The following TNS1 variants were observed in gnomAD, a reference collection of about 807,000 sequenced individuals.
The protein encoded by TNS1 is tensin-1.
Under a neutral mutation model 168.6 loss-of-function variants are expected in TNS1, and 62 were observed. The observed-to-expected ratio is 0.37, with a 90% CI of 0.30 to 0.45. TNS1 has a LOEUF of 0.45. TNS1 is among the 20% of genes least tolerant of loss of function. The probability of loss-of-function intolerance (pLI) is 1.00; values close to 1 mark genes in which losing one functional copy is unlikely to be tolerated. For synonymous variants in TNS1, 934 were observed against 933.2 expected, an observed-to-expected ratio of 1.00 and a Z score of -0.02; for missense variants, 2,240 against 2,339.4, an observed-to-expected ratio of 0.96 and a Z score of 0.88.
chr2:217,864,795 C>A (rs1274878595), intron 18 of TNS1, among the ~76,000 whole-genome samples: 1 of 152,244 alleles, frequency 6.6e-6, no homozygotes, highest in Non-Finnish European at 1.5e-5. Flanking sequence ...AGGTCAATCA[C>A]TATTCCTGAT....
rs923495048 is a variant in TNS1 at position 217,995,661 on chromosome 2, AC to A, written c.34-4606del. Among the ~76,000 whole-genome samples the A allele has an allele frequency of 3.0e-4, 45 of 151,942 alleles. No individual in the cohort carries two copies. Among genetic ancestry groups the A allele is most frequent in the African/African-American group, 1.0e-3 (42 of 41,366 alleles). On this transcript the variant is annotated intron_variant, in intron 1 of 32. Transcript: ENST00000682258. This position sits in a 1 kb window ranked among gnomAD's most constrained non-coding sequence, Gnocchi z 4.1. ...AGTGGCAGACGGCCTCACGGAGCAC[AC>A]CCCGGGGCCCTTCCTTTGCTGGCTG...
Position 217,849,098 on chromosome 2 carries a change from C to T in TNS1, c.1430-11G>A. 6.2e-7 allele frequency: 1 copy of T among 1,604,076 alleles called. No homozygotes were observed. Among genetic ancestry groups the T allele is most frequent in the South Asian group, 1.1e-5 (1 of 90,426 alleles). The stretch of plus-strand genomic sequence containing the variant: ...TGTGTCCCACCACCTCTGCAAGGGA[C>T]AGAGCCGGAGGGGAGACAACAGACA... On this transcript the variant is annotated splice_polypyrimidine_tract_variant and intron_variant, in intron 18 of 32. Coordinates refer to ENST00000682258, the MANE Select transcript of TNS1 (RefSeq NM_001387777.1).
At chr2:217,832,515 C>T (rs1302305808) in intron 21 of TNS1, among the ~76,000 whole-genome samples, 1 of 152,184 alleles carries the variant, frequency 6.6e-6, no homozygotes, top group Non-Finnish European at 1.5e-5. Context: ...GAGACCACAG[C>T]CCCAAGGATA....
intron 22 of TNS1, chr2:217,829,812 G>C: frequency 6.2e-7 from 1 of 1,613,554 alleles, no homozygotes; most frequent in Non-Finnish European, 8.5e-7. Context: ...TCCAGACCCA[G>C]AGAGCAGGAA....
intron 23 of TNS1, 71 bp downstream of exon 23, chr2:217,821,669 G>C: frequency 7.4e-7 from 1 of 1,359,808 alleles, no homozygotes; most frequent in Non-Finnish European, 9.6e-7. Context: ...AGATCCAGGA[G>C]GCCTCACCCA....
chr2:217,879,620 G>A (rs935835974), intron 18 of TNS1: 1 of 278,240 alleles, frequency 3.6e-6, no homozygotes, highest in African/African-American at 2.3e-5. Context: ...CCAAATTCTA[G>A]TCCAACCACC....
intron 3 of TNS1, among the ~76,000 whole-genome samples, chr2:217,968,781 G>A (rs910435941): frequency 1.7e-4 from 26 of 151,910 alleles, no homozygotes; most frequent in Admixed American, 1.4e-3. Flanking sequence ...TACAACCTCC[G>A]CCTCCCGGGT....
chr2:217,891,504 C>A (rs1951743622), intron 11 of TNS1, among the ~76,000 whole-genome samples: 1 of 152,200 alleles, frequency 6.6e-6, no homozygotes, highest in South Asian at 2.1e-4. Flanking sequence ...GCAGCCTCAT[C>A]TTTGCTTATC....
chr2:217,916,714 G>C (rs190948903), intron 4 of TNS1, among the ~76,000 whole-genome samples: 4 of 152,180 alleles, frequency 2.6e-5, no homozygotes, highest in Non-Finnish European at 5.9e-5. Context: ...TGGCTGGCCC[G>C]GGCACAGGTT....
chr2:217,805,656 AAC>A (rs1364236550), intron 32 of TNS1, among the ~76,000 whole-genome samples: 1 of 74,876 alleles, frequency 1.3e-5, no homozygotes, highest in Non-Finnish European at 2.7e-5. Flanking sequence ...ACACACACAC[AAC>A]ACACATATCA....
rs975239010 is a variant in TNS1, at chr2:217,891,010, C to T, written c.818G>A (p.Arg273Gln). 5 of 1,614,076 alleles carry T rather than the reference C, an allele frequency of 3.1e-6. No individual in the cohort carries two copies. The highest frequency in any genetic ancestry group is 2.2e-5 in the East Asian group (1 of 44,886). ...GGGCACAATCTTATCCTCATAGAAC[C>T]GCTTCATTGCAAACCGGTCCAGAGC... ...DQALDRFAMK[R>Q]FYEDKIVPIG... is the part of the protein sequence containing the mutation. The change falls in exon 12 of 33, where the codon CGG (arginine) becomes CAG (glutamine). Residue 273 changes from arginine to glutamine, a missense_variant. Around this residue, in one of 2 missense-constraint regions of TNS1, gnomAD observed 2,131 missense variants for 2,171.2 expected, o/e 0.98. Transcript: ENST00000682258.
chr2:217,899,738 G>A (rs111905134), intron 7 of TNS1, among the ~76,000 whole-genome samples: 1 of 152,216 alleles, frequency 6.6e-6, no homozygotes, highest in Non-Finnish European at 1.5e-5. Flanking sequence ...CAGCCGGACA[G>A]CCTCAGCATC....
Position 217,880,734 on chromosome 2 carries a change from C to T in TNS1, c.1429+164G>A, listed in dbSNP as rs1950598967. Among the ~76,000 whole-genome samples, 1 of 152,044 alleles carries T rather than the reference C, an allele frequency of 6.6e-6. No homozygotes were observed. Among genetic ancestry groups the T allele is most frequent in the Admixed American group, 6.5e-5 (1 of 15,280 alleles). ...TTATTTAATACATTCATATATGTGC[C>T]TTATCTTCCCCCAGTTAACGGTGAG... is the stretch of plus-strand genomic sequence containing the variant. On this transcript the variant is annotated intron_variant, in intron 18 of 32. Coordinates refer to ENST00000682258, the MANE Select transcript of TNS1 (RefSeq NM_001387777.1). The surrounding 1 kb of genome is among the most constrained non-coding windows in gnomAD (Gnocchi z 4.2).
intron 3 of TNS1, among the ~76,000 whole-genome samples, chr2:217,929,036 C>A (rs572879980): frequency 6.6e-6 from 1 of 152,180 alleles, no homozygotes; most frequent in Non-Finnish European, 1.5e-5. Context: ...CAGGAGCCTG[C>A]GGAATGTGGA....
intron 1 of TNS1, among the ~76,000 whole-genome samples, chr2:218,017,174 C>T (rs1446858629): frequency 2.0e-5 from 3 of 152,170 alleles, no homozygotes; most frequent in Admixed American, 1.3e-4. Context: ...CAGGAGCCAC[C>T]CTGGCCAAGG....
upstream of TNS1, among the ~76,000 whole-genome samples, chr2:218,011,225 C>T (rs1300606424): frequency 6.6e-6 from 1 of 152,118 alleles, no homozygotes; most frequent in African/African-American, 2.4e-5. Flanking sequence ...TGAGGTCATC[C>T]TATTAGGACC....
chr2:217,826,961 T>C (rs945280144), intron 22 of TNS1, among the ~76,000 whole-genome samples: 1 of 152,106 alleles, frequency 6.6e-6, no homozygotes, highest in Non-Finnish European at 1.5e-5. Context: ...TCAAGACATG[T>C]GGGTGGGAAA....
intron 18 of TNS1, among the ~76,000 whole-genome samples, chr2:217,851,568 C>T (rs546113291): frequency 3.9e-5 from 6 of 152,134 alleles, no homozygotes; most frequent in Non-Finnish European, 8.8e-5. Context: ...TCAGCCAACA[C>T]CAGCCCCAGA....
At chr2:217,984,631 G>A (rs191773051) in intron 2 of TNS1, among the ~76,000 whole-genome samples, 152 of 151,762 alleles carry the variant, frequency 1.0e-3, no homozygotes, top group Non-Finnish European at 1.8e-3. Flanking sequence ...TGGGACTACA[G>A]GTGTGCACCA....
Sources: gnomAD v4.1 joint callset for allele counts (sites outside exome capture counted in the v4.1 genomes callset) on GRCh38, gnomAD v4.1.1 for gene constraint, gnomAD v4.1.1 regional missense constraint, Gnocchi (gnomAD v3.1) non-coding constraint, MANE v1.5 for transcripts, NCBI Gene and HGNC (gene_info 2026-07-23, HGNC 2026-07-21) for gene names.